Variants in ADGRB3 observed in about 807,000 individuals in gnomAD.
ADGRB3 encodes the protein adhesion G protein-coupled receptor B3.
Under a neutral mutation model 193.4 loss-of-function variants are expected in ADGRB3, and 37 were observed. The observed-to-expected ratio is 0.19, with a 90% CI of 0.15 to 0.25. ADGRB3 has a LOEUF of 0.25. ADGRB3 is among the 10% of genes least tolerant of loss of function. The probability of loss-of-function intolerance (pLI) is 1.00; values close to 1 mark genes in which losing one functional copy is unlikely to be tolerated. For synonymous variants in ADGRB3, 690 were observed against 644.2 expected (o/e 1.07, Z -1.08); for missense variants, 1,637 against 1,852.9 (o/e 0.88, Z 2.14).
chr6:68,857,844 A>G (rs1393016746), intron 3 of ADGRB3, among the ~76,000 whole-genome samples: 1 of 152,142 alleles, frequency 6.6e-6, no homozygotes, highest in Non-Finnish European at 1.5e-5. Context: ...AGCTCCCATA[A>G]TTTCCACTTG....
At chr6:69,368,409 G>A (rs1483246045) in intron 29 of ADGRB3, among the ~76,000 whole-genome samples, 1 of 152,080 alleles carries the variant, frequency 6.6e-6, no homozygotes, top group Non-Finnish European at 1.5e-5. Flanking sequence ...AGAACAGATG[G>A]CACATGCTGG....
At chr6:69,131,311 A>C (rs1774001817) in intron 17 of ADGRB3, among the ~76,000 whole-genome samples, 1 of 152,090 alleles carries the variant, frequency 6.6e-6, no homozygotes, top group Non-Finnish European at 1.5e-5. Context: ...ATATTGAAGA[A>C]AGTAACTTAG....
intron 17 of ADGRB3, among the ~76,000 whole-genome samples, chr6:69,091,313 C>A (rs958384510): frequency 6.6e-6 from 1 of 152,168 alleles, no homozygotes; most frequent in Non-Finnish European, 1.5e-5. Context: ...TAATATAAAT[C>A]ATTTTATTAT....
intron 20 of ADGRB3, among the ~76,000 whole-genome samples, chr6:69,319,929 G>A (rs2127305559): frequency 6.6e-6 from 1 of 151,386 alleles, no homozygotes; most frequent in South Asian, 2.1e-4. Flanking sequence ...GATTTTTGAT[G>A]TTTGGAATTA....
At chr6:68,868,681 A>T (rs138600210) in intron 3 of ADGRB3, among the ~76,000 whole-genome samples, 2 of 152,312 alleles carry the variant, frequency 1.3e-5, no homozygotes, top group Admixed American at 1.3e-4. Context: ...TTTGGGAAAA[A>T]ATCTAGTTTT....
At chr6:69,279,273 A>C (rs1430053344) in intron 20 of ADGRB3, among the ~76,000 whole-genome samples, 2 of 151,804 alleles carry the variant, frequency 1.3e-5, no homozygotes, top group African/African-American at 4.8e-5. Context: ...ACATTAGTCT[A>C]CACTTGAGTA....
At chr6:69,022,655 A>T (rs1402653603) in intron 13 of ADGRB3, among the ~76,000 whole-genome samples, 5 of 151,978 alleles carry the variant, frequency 3.3e-5, no homozygotes, top group Non-Finnish European at 7.4e-5. Flanking sequence ...TCCTTTAAAA[A>T]TTTTACATTA....
At chr6:68,856,610 A>G (rs1287836614) in intron 3 of ADGRB3, among the ~76,000 whole-genome samples, 1 of 152,230 alleles carries the variant, frequency 6.6e-6, no homozygotes, top group African/African-American at 2.4e-5. Context: ...AGAAATTTCT[A>G]AACAGCAAAG....
intron 17 of ADGRB3, among the ~76,000 whole-genome samples, chr6:69,209,499 C>T (rs1438609474): frequency 2.0e-5 from 3 of 152,238 alleles, no homozygotes; most frequent in African/African-American, 7.2e-5. Context: ...AGTGTGTTTG[C>T]TACTTCTTGC....
chr6:69,212,964 G>A (rs1237208736), intron 17 of ADGRB3, among the ~76,000 whole-genome samples: 1 of 152,098 alleles, frequency 6.6e-6, no homozygotes, highest in Non-Finnish European at 1.5e-5. Flanking sequence ...CAAGGAAGCT[G>A]ATGCATAGCT....
chr6:69,299,736 T>C (rs1478169298), intron 20 of ADGRB3, among the ~76,000 whole-genome samples: 1 of 151,920 alleles, frequency 6.6e-6, no homozygotes, highest in Admixed American at 6.6e-5. Flanking sequence ...GTTTCATTAA[T>C]CTATGTGTCT....
intron 20 of ADGRB3, among the ~76,000 whole-genome samples, chr6:69,259,538 C>T (rs956644054): frequency 1.1e-4 from 17 of 151,502 alleles, no homozygotes; most frequent in Non-Finnish European, 1.8e-4. Context: ...TGCTAAAAAA[C>T]GCAAAAAAAT....
chr6:69,107,329 T>C (rs185307720), intron 17 of ADGRB3, among the ~76,000 whole-genome samples: 190 of 152,328 alleles, frequency 1.2e-3, no homozygotes, highest in African/African-American at 4.3e-3. Flanking sequence ...CAAATAAAGA[T>C]CACTTTCAAA....
intron 17 of ADGRB3, among the ~76,000 whole-genome samples, chr6:69,197,673 G>GACTT (rs1250904493): frequency 3.3e-5 from 5 of 151,974 alleles, no homozygotes; most frequent in African/African-American, 1.2e-4. Context: ...CCACAACTGA[G>GACTT]ACTTAGATAA....
At chr6:68,967,566 A>C (rs1376910470) in intron 8 of ADGRB3, among the ~76,000 whole-genome samples, 3 of 152,028 alleles carry the variant, frequency 2.0e-5, no homozygotes, top group Non-Finnish European at 4.4e-5. Flanking sequence ...TCTGCTCCTA[A>C]CTGGACACGG....
chr6:69,385,114 A>C (rs1316529842), intron 31 of ADGRB3, among the ~76,000 whole-genome samples: 1 of 151,954 alleles, frequency 6.6e-6, no homozygotes, highest in Non-Finnish European at 1.5e-5. Context: ...CATTTAAATC[A>C]CACTAAAAAA....
intron 17 of ADGRB3, among the ~76,000 whole-genome samples, chr6:69,121,711 G>C (rs1561925532): frequency 6.6e-6 from 1 of 151,608 alleles, no homozygotes; most frequent in Non-Finnish European, 1.5e-5. Context: ...GTGGCGGCCG[G>C]GCAGAGGCGC....
intron 13 of ADGRB3, among the ~76,000 whole-genome samples, chr6:69,029,298 G>A (rs1770542643): frequency 6.6e-6 from 1 of 151,658 alleles, no homozygotes. Flanking sequence ...ACTTTTTTTG[G>A]CTAATTACAC....
At chr6:68,943,747 GTT>G in intron 5 of ADGRB3, 81 bp from the exon 6 acceptor site, 1 of 1,230,094 alleles carries the variant, frequency 8.1e-7, no homozygotes, top group South Asian at 2.2e-5. Flanking sequence ...TATTTAATGA[GTT>G]TTGCTTTTTA....
Sources: gnomAD v4.1 joint callset for allele counts (sites outside exome capture counted in the v4.1 genomes callset) on GRCh38, gnomAD v4.1.1 for gene constraint, MANE v1.5 for transcripts, NCBI Gene and HGNC (gene_info 2026-07-23, HGNC 2026-07-21) for gene names.